The following PTPRD variants were observed in gnomAD, a reference collection of about 807,000 sequenced individuals.
PTPRD encodes protein tyrosine phosphatase receptor type D.
A neutral mutation model predicts 214.5 loss-of-function variants in PTPRD; 34 were observed. The observed-to-expected ratio is 0.16, with a 90% CI of 0.12 to 0.21. PTPRD has a LOEUF of 0.21. PTPRD is among the 10% of genes least tolerant of loss of function. The pLI is 1.00. For synonymous variants in PTPRD, 1,128 were observed against 845.7 expected (o/e 1.33, Z -5.79); for missense variants, 2,545 against 2,398.7 (o/e 1.06, Z -1.27).
At chr9:9,498,260 C>G (rs936923141) in intron 8 of PTPRD, among the ~76,000 whole-genome samples, 1 of 152,086 alleles carries the variant, frequency 6.6e-6, no homozygotes, top group South Asian at 2.1e-4. Flanking sequence ...CTTAAGTTCC[C>G]TCTTGTATTA....
chr9:10,349,829 T>G (rs1270573632), intron 2 of PTPRD, among the ~76,000 whole-genome samples: 8 of 152,008 alleles, frequency 5.3e-5, no homozygotes, highest in Non-Finnish European at 7.4e-5. Context: ...CCCAGCTAAT[T>G]TTTTGTATTT....
Position 9,992,656 on chromosome 9 carries a change from T to C in PTPRD, c.-472+41062A>G, listed in dbSNP as rs542736907. Among the ~76,000 whole-genome samples, 7 of 152,220 alleles carry C rather than the reference T, an allele frequency of 4.6e-5. No homozygotes were observed. In the South Asian group the frequency reaches 1.0e-3, roughly 23 times the overall value. ...TGAGTTCATGTCCTTTGTAGGGACA[T>C]GGATGAAGCTGGAAACCATCATTAC... On this transcript the variant is annotated intron_variant, in intron 4 of 45. Coordinates refer to ENST00000381196, the MANE Select transcript of PTPRD (RefSeq NM_002839.4).
chr9:8,454,218 TA>T (rs1379037529), intron 33 of PTPRD, among the ~76,000 whole-genome samples: 1 of 152,162 alleles, frequency 6.6e-6, no homozygotes, highest in African/African-American at 2.4e-5. Context: ...TAATCTTTGG[TA>T]AAAACAAACA....
At chr9:10,607,729 A>T (rs1228269069) in intron 2 of PTPRD, among the ~76,000 whole-genome samples, 1 of 151,998 alleles carries the variant, frequency 6.6e-6, no homozygotes, top group East Asian at 1.9e-4. Context: ...ATATCACATG[A>T]ATTATAATGA....
Position 10,097,259 on chromosome 9 carries a change from T to G in PTPRD, c.-544-63469A>C, listed in dbSNP as rs1273853575. 2.4e-4 allele frequency among the ~76,000 whole-genome samples: 36 copies of G among 147,590 alleles called. No homozygotes were observed. The Admixed American group carries it at 2.5e-3, about 10-fold the overall frequency. ...TCCATATGAACTTTAAAGTAGTTTT[T>G]TCCAATTCTGTGAAGAAAGTCATTG... is the stretch of plus-strand genomic sequence containing the variant. On this transcript the variant is annotated intron_variant, in intron 3 of 45. Transcript: ENST00000381196.
chr9:9,752,758 C>T (rs531931131), intron 6 of PTPRD, among the ~76,000 whole-genome samples: 1 of 151,944 alleles, frequency 6.6e-6, no homozygotes, highest in African/African-American at 2.4e-5. Context: ...TTAGAAAAAT[C>T]GTTTTACATT....
Position 10,217,750 on chromosome 9 carries a change from T to C in PTPRD, c.-545+123213A>G, listed in dbSNP as rs143274795. Reference sequence around the variant, plus strand: ...ACATGTATATAATAATGGCCTATCATGTGCCCAGGCCATTGGGAGTTAACC... The same window carrying C: ...ACATGTATATAATAATGGCCTATCACGTGCCCAGGCCATTGGGAGTTAACC... On this transcript the variant is annotated intron_variant, in intron 3 of 45. Coordinates refer to ENST00000381196, the MANE Select transcript of PTPRD (RefSeq NM_002839.4). 4.0e-3 allele frequency among the ~76,000 whole-genome samples: 608 copies of C among 152,092 alleles called. 4 individuals are homozygous for C. Among genetic ancestry groups the C allele is most frequent in the African/African-American group, 0.012 (517 of 41,532 alleles).
At chr9:8,425,534 A>T (rs867033380) in intron 35 of PTPRD, among the ~76,000 whole-genome samples, 8 of 152,162 alleles carry the variant, frequency 5.3e-5, no homozygotes, top group South Asian at 2.1e-4. Flanking sequence ...GCATGCACAG[A>T]TCCCTCAGCC....
chr9:9,907,537 C>T (rs2077951757), intron 5 of PTPRD, among the ~76,000 whole-genome samples: 1 of 151,932 alleles, frequency 6.6e-6, no homozygotes, highest in African/African-American at 2.4e-5. Flanking sequence ...GTCTATTCTT[C>T]TTCTTCTAAG....
intron 10 of PTPRD, among the ~76,000 whole-genome samples, chr9:9,099,206 G>A (rs2099787936): frequency 6.6e-6 from 1 of 152,118 alleles, no homozygotes. Flanking sequence ...TGATGGGAGA[G>A]GTAAAAAGCA....
intron 10 of PTPRD, among the ~76,000 whole-genome samples, chr9:9,124,958 G>A (rs766829375): frequency 6.8e-4 from 104 of 152,176 alleles, no homozygotes; most frequent in Non-Finnish European, 4.4e-5. Flanking sequence ...ACAAGAGACT[G>A]CTGTATTGAG....
At chr9:10,179,922 C>G (rs1193316697) in intron 3 of PTPRD, among the ~76,000 whole-genome samples, 2 of 151,802 alleles carry the variant, frequency 1.3e-5, no homozygotes, top group Admixed American at 6.6e-5. Flanking sequence ...ATTTGATAAT[C>G]TAGAATATTT....
intron 5 of PTPRD, among the ~76,000 whole-genome samples, chr9:9,937,778 T>C (rs1448655860): frequency 6.6e-6 from 1 of 152,214 alleles, no homozygotes; most frequent in African/African-American, 2.4e-5. Context: ...GCCCACCATG[T>C]AGTTCTTACA....
At chr9:9,239,119 T>C (rs552116542) in intron 9 of PTPRD, among the ~76,000 whole-genome samples, 2 of 151,996 alleles carry the variant, frequency 1.3e-5, no homozygotes, top group African/African-American at 2.4e-5. Flanking sequence ...CTGTCTTCTC[T>C]AGAACTATGC....
intron 14 of PTPRD, among the ~76,000 whole-genome samples, chr9:8,553,097 C>G (rs1436575274): frequency 6.6e-6 from 1 of 152,154 alleles, no homozygotes; most frequent in Non-Finnish European, 1.5e-5. Flanking sequence ...GTTAGAATGG[C>G]TGCTGGGTTA....
At chr9:10,502,060 T>A (rs55935615) in intron 2 of PTPRD, among the ~76,000 whole-genome samples, 14,582 of 151,534 alleles carry the variant, frequency 0.096, 974 homozygotes, top group African/African-American at 0.18. Context: ...TAATTTTTTT[T>A]AAGAAAATAG....
At chr9:8,352,901 A>G (rs1178001664) in intron 39 of PTPRD, among the ~76,000 whole-genome samples, 1 of 152,060 alleles carries the variant, frequency 6.6e-6, no homozygotes, top group Non-Finnish European at 1.5e-5. Context: ...TCACGAAGTT[A>G]AGAGATTGAG....
chr9:10,425,270 C>T (rs1272236055), intron 2 of PTPRD, among the ~76,000 whole-genome samples: 1 of 151,774 alleles, frequency 6.6e-6, no homozygotes, highest in East Asian at 1.9e-4. Context: ...TATTAAAATG[C>T]TAAACAAAAA....
rs185055696 is a variant in PTPRD at position 9,259,494 on chromosome 9, G to A, written c.-202-76131C>T. Among the ~76,000 whole-genome samples, 216 of 151,926 alleles carry A rather than the reference G, an allele frequency of 1.4e-3. 2 individuals carry two copies. Among genetic ancestry groups the A allele is most frequent in the Non-Finnish European group, 6.6e-4 (45 of 67,878 alleles). Reference sequence around the variant, plus strand: ...AAAGCCTTACAAAATTGGAAATTCAGGTGAAAGCACTTGGAACACACATTC... The same window carrying A: ...AAAGCCTTACAAAATTGGAAATTCAAGTGAAAGCACTTGGAACACACATTC... On this transcript the variant is annotated intron_variant, in intron 9 of 45. Coordinates refer to ENST00000381196, the MANE Select transcript of PTPRD (RefSeq NM_002839.4).
Sources: allele counts gnomAD v4.1 joint callset (sites outside exome capture counted in the v4.1 genomes callset), GRCh38; gene constraint gnomAD v4.1.1; transcripts MANE v1.5; gene names NCBI Gene and HGNC (gene_info 2026-07-23, HGNC 2026-07-21).